The following RPS6KC1 variants were observed in gnomAD, a reference collection of about 807,000 sequenced individuals.
The protein encoded by RPS6KC1 is ribosomal protein S6 kinase C1, also known as inactive ribosomal protein S6 kinase delta-1.
A neutral mutation model predicts 103.8 loss-of-function variants in RPS6KC1; 54 were observed. The ratio of observed to expected loss-of-function variants is 0.52; its 90% CI spans 0.42 to 0.65. The LOEUF is 0.65. Among genes scored for constraint, RPS6KC1 ranks in the 30% least tolerant of loss-of-function variants. The probability of loss-of-function intolerance (pLI) is 0.00; values close to 1 mark genes in which losing one functional copy is unlikely to be tolerated. For synonymous variants in RPS6KC1, 439 were observed against 438.7 expected, an observed-to-expected ratio of 1.00 and a Z score of -0.01; for missense variants, 1,151 against 1,253.8, an observed-to-expected ratio of 0.92 and a Z score of 1.24.
At chr1:213,363,683 T>G in the RPS6KC1 span, among the ~76,000 whole-genome samples, 531 of 88,746 alleles carry the variant, frequency 6.0e-3, 46 homozygotes, top group African/African-American at 8.6e-3. Context: ...TCTTTCTTTC[T>G]TTCTTTCTTT....
chr1:213,497,519 A>AT, the RPS6KC1 span, among the ~76,000 whole-genome samples: 44 of 152,340 alleles, frequency 2.9e-4, no homozygotes, highest in Admixed American at 5.2e-4. Flanking sequence ...GATTACATAT[A>AT]ATTTAGAAAA....
At chr1:213,693,069 A>T in the RPS6KC1 span, among the ~76,000 whole-genome samples, 1 of 152,154 alleles carries the variant, frequency 6.6e-6, no homozygotes, top group Non-Finnish European at 1.5e-5. Context: ...ACAAGAAAAA[A>T]ACCCCAAATC....
the RPS6KC1 span, among the ~76,000 whole-genome samples, chr1:213,633,065 C>T: frequency 3.3e-5 from 5 of 152,156 alleles, no homozygotes; most frequent in Non-Finnish European, 7.3e-5. Flanking sequence ...ACAAAATCTA[C>T]GTTTGATTGG....
At chr1:213,852,125 A>G in the RPS6KC1 span, among the ~76,000 whole-genome samples, 1 of 151,998 alleles carries the variant, frequency 6.6e-6, no homozygotes, top group East Asian at 1.9e-4. Context: ...ATAATCATCA[A>G]CGGAGACCTT....
At chr1:213,554,981 G>T in the RPS6KC1 span, among the ~76,000 whole-genome samples, 1 of 152,198 alleles carries the variant, frequency 6.6e-6, no homozygotes, top group Non-Finnish European at 1.5e-5. Flanking sequence ...TACAAGGATA[G>T]AATTTTTTAA....
the RPS6KC1 span, among the ~76,000 whole-genome samples, chr1:213,361,278 T>C: frequency 6.6e-6 from 1 of 152,252 alleles, no homozygotes; most frequent in Non-Finnish European, 1.5e-5. Context: ...CCCCCAGCCT[T>C]GCTGACGCCT....
At chr1:213,094,885 T>G (rs989118982) in intron 3 of RPS6KC1, among the ~76,000 whole-genome samples, 1 of 152,238 alleles carries the variant, frequency 6.6e-6, no homozygotes. Context: ...ATCCTCATTC[T>G]GGTTACAATG....
intron 7 of RPS6KC1, among the ~76,000 whole-genome samples, chr1:213,175,952 G>A (rs2091836040): frequency 6.6e-6 from 1 of 152,088 alleles, no homozygotes; most frequent in Admixed American, 6.6e-5. Flanking sequence ...AATGGCTTGT[G>A]CCCCTCCCTC....
chr1:213,242,760 T>A, intron 12 of RPS6KC1, 102 bp downstream of exon 12: 1 of 897,850 alleles, frequency 1.1e-6, no homozygotes, highest in Non-Finnish European at 1.7e-6. Flanking sequence ...GCAGTTTACA[T>A]ATGTGTTGGA....
At chr1:213,088,277 G>A (rs567938105) in intron 3 of RPS6KC1, among the ~76,000 whole-genome samples, 37 of 152,266 alleles carry the variant, frequency 2.4e-4, no homozygotes, top group Admixed American at 1.6e-3. Flanking sequence ...CCCTTTCTAA[G>A]TTGTTCCTTC....
chr1:213,584,500 C>T, the RPS6KC1 span, among the ~76,000 whole-genome samples: 1 of 152,192 alleles, frequency 6.6e-6, no homozygotes, highest in Non-Finnish European at 1.5e-5. Flanking sequence ...TTCTATATCA[C>T]CATTATCTAT....
chr1:213,153,649 T>C (rs1174721239), intron 6 of RPS6KC1, among the ~76,000 whole-genome samples: 3 of 152,234 alleles, frequency 2.0e-5, no homozygotes, highest in Non-Finnish European at 4.4e-5. Context: ...TGTTTTTCTG[T>C]GTACTTACTA....
At chr1:213,726,225 A>G in the RPS6KC1 span, among the ~76,000 whole-genome samples, 2 of 152,126 alleles carry the variant, frequency 1.3e-5, no homozygotes, top group African/African-American at 4.8e-5. Flanking sequence ...ATCTGGGACT[A>G]CAGGTGCACG....
chr1:213,350,900 T>C, the RPS6KC1 span, among the ~76,000 whole-genome samples: 3 of 152,178 alleles, frequency 2.0e-5, no homozygotes, highest in Non-Finnish European at 4.4e-5. Flanking sequence ...GTATATAAAA[T>C]TTTGTATCTT....
At position 213,257,786 on chromosome 1, in the gene RPS6KC1, C is replaced by CT. The variant is rs71147062; in HGVS notation, c.2912-3737dup. The stretch of plus-strand genomic sequence containing the variant: ...GATCTTGAATTGTAAACAGGTAAAA[C>CT]TTTTTTTTTTTTTTTTTTTTTTTTT... On this transcript the variant is annotated intron_variant, in intron 12 of 14. Transcript: ENST00000366960. Among the ~76,000 whole-genome samples the CT allele has an allele frequency of 8.3e-4, 41 of 49,424 alleles. 3 individuals carry two copies. Among genetic ancestry groups the CT allele is most frequent in the African/African-American group, 1.1e-3 (14 of 12,884 alleles). 32.4% of individuals were successfully genotyped at this position (49,424 alleles called of 152,430 possible).
At chr1:213,499,828 A>G in the RPS6KC1 span, among the ~76,000 whole-genome samples, 1 of 152,254 alleles carries the variant, frequency 6.6e-6, no homozygotes, top group East Asian at 1.9e-4. Context: ...TTGTAACACA[A>G]TGAAAAGTAT....
At chr1:213,602,863 G>T in the RPS6KC1 span, among the ~76,000 whole-genome samples, 11 of 152,172 alleles carry the variant, frequency 7.2e-5, no homozygotes, top group African/African-American at 2.4e-4. Context: ...GAGAGCAAGA[G>T]GTACCCTTTA....
At chr1:213,836,217 T>C in the RPS6KC1 span, among the ~76,000 whole-genome samples, 2 of 151,950 alleles carry the variant, frequency 1.3e-5, no homozygotes, top group Admixed American at 1.3e-4. Context: ...AGAAGGCATG[T>C]AGGCCTATCT....
At chr1:213,831,153 G>A in the RPS6KC1 span, among the ~76,000 whole-genome samples, 3 of 152,240 alleles carry the variant, frequency 2.0e-5, no homozygotes, top group Non-Finnish European at 2.9e-5. Flanking sequence ...CTGGTGGTAG[G>A]CAGAATAATC....
Sources: gnomAD v4.1 joint callset for allele counts (sites outside exome capture counted in the v4.1 genomes callset) on GRCh38, gnomAD v4.1.1 for gene constraint, MANE v1.5 for transcripts, NCBI Gene and HGNC (gene_info 2026-07-23, HGNC 2026-07-21) for gene names.